MED12L: variants seen among roughly 807,000 people sequenced by gnomAD.
MED12L encodes the protein mediator complex subunit 12L.
MED12L carries 60 observed loss-of-function variants against 281.3 expected under a neutral mutation model. The ratio of observed to expected loss-of-function variants is 0.21; its 90% confidence interval spans 0.17 to 0.26. MED12L has a LOEUF of 0.26. Ranked by LOEUF, MED12L falls within the 10% of genes least tolerant of loss-of-function variation. The pLI is 1.00. For missense variants in MED12L, 2,146 were observed against 2,680.9 expected (o/e 0.80, Z 4.41); for synonymous variants, 974 against 987.2 (o/e 0.99, Z 0.25).
chr3:151,118,090 C>G (rs991542088), intron 3 of MED12L, among the ~76,000 whole-genome samples: 1 of 87,832 alleles, frequency 1.1e-5, no homozygotes, highest in Non-Finnish European at 2.6e-5. Context: ...GACTCCATCT[C>G]AAAAAAAAAA....
intron 16 of MED12L, among the ~76,000 whole-genome samples, chr3:151,241,407 C>T (rs964551921): frequency 1.3e-5 from 2 of 151,958 alleles, no homozygotes; most frequent in African/African-American, 4.8e-5. Flanking sequence ...TTTTTTTCTC[C>T]TCAGGCTATC....
Position 151,208,873 on chromosome 3 carries a change from A to G in MED12L, c.2250+15207A>G, listed in dbSNP as rs140488535. Reference sequence around the variant, plus strand: ...GGGATTTGGGAGAGAAGGGAGAAGTAGTGCAGGTATGGGCTTCCCTTGCCA... The same window carrying G: ...GGGATTTGGGAGAGAAGGGAGAAGTGGTGCAGGTATGGGCTTCCCTTGCCA... On this transcript the variant is annotated intron_variant, in intron 16 of 44. Transcript: ENST00000687756. Among the ~76,000 whole-genome samples the G allele has an allele frequency of 1.7e-3, 262 of 152,278 alleles. 1 individual carries two copies. The highest frequency in any genetic ancestry group is 5.8e-3 in the African/African-American group (239 of 41,530).
intron 16 of MED12L, among the ~76,000 whole-genome samples, chr3:151,207,047 ATT>A (rs879695592): frequency 2.5e-4 from 33 of 131,784 alleles, no homozygotes; most frequent in African/African-American, 2.2e-4. Context: ...TAGCCATGTG[ATT>A]TTTTTTTTTT....
chr3:151,200,645 G>A (rs1047886399), intron 16 of MED12L, among the ~76,000 whole-genome samples: 4 of 152,180 alleles, frequency 2.6e-5, no homozygotes, highest in Admixed American at 2.6e-4. Context: ...TAAGGCAGAT[G>A]TACACAAAGC....
chr3:151,304,512 G>A lies in MED12L; in HGVS notation c.2251-45547G>A, dbSNP rs1746374419. 2.6e-5 allele frequency among the ~76,000 whole-genome samples: 4 copies of A among 152,106 alleles called. No individual in the cohort carries two copies. The South Asian group carries it at 8.3e-4, about 32-fold the overall frequency. On this transcript the variant is annotated intron_variant, in intron 16 of 44. Coordinates refer to ENST00000687756, the MANE Select transcript of MED12L (RefSeq NM_001393769.1). The stretch of plus-strand genomic sequence containing the variant: ...TCGCTTGAACCCGGGAGACCTTGCA[G>A]TGAGCCGAGGTCATGCCATTGCACT...
intron 16 of MED12L, among the ~76,000 whole-genome samples, chr3:151,272,258 A>G (rs1577197542): frequency 6.6e-6 from 1 of 152,338 alleles, no homozygotes; most frequent in East Asian, 1.9e-4. Flanking sequence ...TGGGGATAAG[A>G]TTTCTCAAAT....
At chr3:151,206,837 G>A (rs945557602) in intron 16 of MED12L, among the ~76,000 whole-genome samples, 1 of 150,922 alleles carries the variant, frequency 6.6e-6, no homozygotes, top group Admixed American at 6.6e-5. Context: ...GTAGAGATGG[G>A]GTTTCACCGT....
chr3:151,425,266 T>G, intron 43 of MED12L: 1 of 169,280 alleles, frequency 5.9e-6, no homozygotes, highest in South Asian at 1.5e-4. Flanking sequence ...TAAATGATGT[T>G]TATTTAAATA....
At chr3:151,279,975 A>G (rs1227022325) in intron 16 of MED12L, among the ~76,000 whole-genome samples, 1 of 152,014 alleles carries the variant, frequency 6.6e-6, no homozygotes, top group Non-Finnish European at 1.5e-5. Flanking sequence ...TGGGGAGAAC[A>G]TGATAATTTG....
intron 28 of MED12L, among the ~76,000 whole-genome samples, chr3:151,376,559 G>A (rs1435715028): frequency 6.6e-6 from 1 of 152,124 alleles, no homozygotes; most frequent in Non-Finnish European, 1.5e-5. Context: ...TGCTTATTTA[G>A]TTTCAGTGCA....
intron 11 of MED12L, among the ~76,000 whole-genome samples, chr3:151,166,388 A>T (rs923794834): frequency 1.3e-5 from 2 of 152,128 alleles, no homozygotes; most frequent in Non-Finnish European, 2.9e-5. Flanking sequence ...AAATCCTTAG[A>T]CAATGTGTTA....
At chr3:151,128,645 C>A (rs1465972122) in intron 5 of MED12L, among the ~76,000 whole-genome samples, 2 of 152,224 alleles carry the variant, frequency 1.3e-5, no homozygotes, top group African/African-American at 4.8e-5. Flanking sequence ...CTCTTCATTG[C>A]AGCTTTGGCT....
chr3:151,193,157 G>A (rs1182988699), intron 15 of MED12L, among the ~76,000 whole-genome samples: 1 of 152,080 alleles, frequency 6.6e-6, no homozygotes, highest in African/African-American at 2.4e-5. Context: ...TTATTATTAT[G>A]TATATGTTTC....
intron 26 of MED12L, among the ~76,000 whole-genome samples, chr3:151,370,035 C>T (rs934084753): frequency 6.6e-6 from 1 of 151,900 alleles, no homozygotes; most frequent in African/African-American, 2.4e-5. Flanking sequence ...TTTTGATGAC[C>T]CAGGCAATAG....
At chr3:151,395,015 T>A in intron 39 of MED12L, 148 bp downstream of exon 39, 2 of 1,029,158 alleles carry the variant, frequency 1.9e-6, no homozygotes, top group Middle Eastern at 3.2e-4. Context: ...TACAGGCTTG[T>A]AAATAGTTTT....
chr3:151,193,721 A>T, intron 16 of MED12L, 55 bp downstream of exon 16: 2 of 1,420,676 alleles, frequency 1.4e-6, no homozygotes, highest in South Asian at 2.5e-5. Context: ...TAAGATCAAT[A>T]ACTGTTGAAC....
At chr3:151,409,209 A>G in intron 39 of MED12L, 34 bp from the exon 40 acceptor site, 3 of 1,536,674 alleles carry the variant, frequency 2.0e-6, no homozygotes, top group Non-Finnish European at 2.6e-6. Context: ...CCTTGCTGTT[A>G]TGATCAAGAG....
chr3:151,289,745 G>C (rs574833356), intron 16 of MED12L, among the ~76,000 whole-genome samples: 34 of 152,280 alleles, frequency 2.2e-4, no homozygotes, highest in Non-Finnish European at 4.0e-4. Context: ...CCTATACCTA[G>C]ACTTGGAGAC....
intron 39 of MED12L, among the ~76,000 whole-genome samples, chr3:151,406,113 C>T (rs1302151226): frequency 2.0e-5 from 3 of 152,158 alleles, no homozygotes; most frequent in Non-Finnish European, 4.4e-5. Flanking sequence ...TCTCACTTTG[C>T]CCTCTTGCCC....
Sources: allele counts gnomAD v4.1 joint callset (sites outside exome capture counted in the v4.1 genomes callset), GRCh38; gene constraint gnomAD v4.1.1; transcripts MANE v1.5; gene names NCBI Gene and HGNC (gene_info 2026-07-23, HGNC 2026-07-21).